Variants in ECD observed in about 807,000 individuals in gnomAD.
ECD encodes the protein ecdysoneless cell cycle regulator.
Under a neutral mutation model 77.2 loss-of-function variants are expected in ECD, and 59 were observed. That is an observed-to-expected ratio of 0.76 (90% CI 0.62 to 0.95). The LOEUF (loss-of-function observed/expected upper bound fraction) is 0.95, where lower values mean the gene tolerates loss of function less well. Among genes scored for constraint, ECD ranks in the 40% least tolerant of loss-of-function variants. ECD has a pLI of 0.00. For synonymous variants in ECD, 233 were observed against 267.4 expected (o/e 0.87, Z 1.26); for missense variants, 704 against 763.4 (o/e 0.92, Z 0.92).
chr10:73,142,046 T>C (rs1564660869), intron 9 of ECD, among the ~76,000 whole-genome samples: 1 of 152,156 alleles, frequency 6.6e-6, no homozygotes, highest in African/African-American at 2.4e-5. Context: ...CCTTGACTCT[T>C]GGGATCAAGC....
rs192119711 is a variant in ECD at position 73,156,175 on chromosome 10, C to T, written c.590+100G>A. 229 of 1,130,962 alleles carry T rather than the reference C, an allele frequency of 2.0e-4. 1 individual carries two copies. The African/African-American group carries it at 3.2e-3, about 16-fold the overall frequency. 70.1% of individuals were successfully genotyped at this position (1,130,962 alleles called of 1,614,324 possible). On this transcript the variant is annotated intron_variant, in intron 5 of 13. Coordinates refer to ENST00000372979, the MANE Select transcript of ECD (RefSeq NM_007265.3). The stretch of plus-strand genomic sequence containing the variant: ...TAGTCAAAGAAAGACTGATCAACTC[C>T]AACAGAGCTTTAAGGAAAACAAACA...
intron 11 of ECD, among the ~76,000 whole-genome samples, chr10:73,138,574 G>GTT (rs111768045): frequency 6.8e-6 from 1 of 147,510 alleles, no homozygotes; most frequent in South Asian, 2.1e-4. Context: ...TTTTTGTTTT[G>GTT]TTTTTTTTTT....
At chr10:73,156,717 A>G in intron 3 of ECD, 62 bp from the exon 4 acceptor site, 2 of 1,411,584 alleles carry the variant, frequency 1.4e-6, no homozygotes, top group Non-Finnish European at 2.0e-6. Flanking sequence ...TAACCAAAAC[A>G]GTTTCATTCT....
intron 9 of ECD, among the ~76,000 whole-genome samples, chr10:73,144,563 G>A (rs1201738917): frequency 6.6e-6 from 1 of 152,194 alleles, no homozygotes; most frequent in Non-Finnish European, 1.5e-5. Flanking sequence ...GGGGGGAAAA[G>A]AGGGGATAGT....
In ECD at chr10:73,134,688, G is replaced by A; in HGVS notation, c.1830C>T (p.Ser610=). 1.2e-6 allele frequency: 2 copies of A among 1,614,154 alleles called. No individual in the cohort carries two copies. Among genetic ancestry groups the A allele is most frequent in the Non-Finnish European group, 8.5e-7 (1 of 1,180,030 alleles). The part of the protein sequence containing the change: ...LVSNILESYS[S]QAGLAGPASN... ...AAGCAGGTCCTGCCAGTCCAGCTTG[G>A]GAGCTATAGGATTCCAATATATTTG... Residue 610 remains serine (S), a synonymous_variant, in exon 14 of 14, where the codon TCC becomes TCT. Transcript: ENST00000372979.
chr10:73,136,460 G>A (rs1230475667), intron 13 of ECD, among the ~76,000 whole-genome samples: 1 of 151,956 alleles, frequency 6.6e-6, no homozygotes, highest in African/African-American at 2.4e-5. Context: ...ATTCTAATTT[G>A]AGCATATTAT....
In ECD at chr10:73,152,422, C is replaced by G; in HGVS notation, c.784-1G>C. On this transcript the variant is annotated splice_acceptor_variant, in intron 6 of 13. Coordinates refer to ENST00000372979, the MANE Select transcript of ECD (RefSeq NM_007265.3). LOFTEE classifies it high-confidence loss of function. Reference sequence around the variant, plus strand: ...CATATAGACATTTAGTGAATGTGACCTGGGCATCAAGACACAAAATACATG... The same window carrying G: ...CATATAGACATTTAGTGAATGTGACGTGGGCATCAAGACACAAAATACATG... 1 of 1,611,132 alleles carries G rather than the reference C, an allele frequency of 6.2e-7. No homozygotes were observed.
intron 9 of ECD, among the ~76,000 whole-genome samples, chr10:73,143,881 G>C (rs1395983539): frequency 8.2e-6 from 1 of 122,552 alleles, no homozygotes; most frequent in Non-Finnish European, 1.6e-5. Flanking sequence ...TATTCATTTA[G>C]ATCAGTGGTT....
intron 6 of ECD, 120 bp from the exon 7 acceptor site, chr10:73,152,541 A>T: frequency 8.5e-7 from 1 of 1,176,726 alleles, no homozygotes; most frequent in Non-Finnish European, 1.2e-6. Flanking sequence ...TGAAATGCAA[A>T]GAAGATTCAA....
chr10:73,166,697 A>G (rs937995344), intron 1 of ECD, among the ~76,000 whole-genome samples: 3 of 152,162 alleles, frequency 2.0e-5, no homozygotes, highest in African/African-American at 7.2e-5. Context: ...AACTCCTTAT[A>G]TATTTTGGTT....
At chr10:73,166,919 T>G (rs1183641364) in intron 1 of ECD, among the ~76,000 whole-genome samples, 4 of 152,230 alleles carry the variant, frequency 2.6e-5, no homozygotes, top group Admixed American at 2.6e-4. Context: ...TCCCCAATAT[T>G]TCCTTTTAGT....
At chr10:73,136,571 G>C (rs60938534) in intron 13 of ECD, 133 bp downstream of exon 13, 12,936 of 806,592 alleles carry the variant, frequency 0.016, 801 homozygotes, top group African/African-American at 0.16. Context: ...TCCTACCAGA[G>C]TTAGGAAAAC....
intron 9 of ECD, among the ~76,000 whole-genome samples, chr10:73,140,614 G>A (rs993522116): frequency 2.0e-5 from 3 of 151,872 alleles, no homozygotes; most frequent in Non-Finnish European, 4.4e-5. Flanking sequence ...CCCGGGAGGT[G>A]GAGGTTGCAG....
At chr10:73,138,309 C>T (rs1484921820) in intron 11 of ECD, among the ~76,000 whole-genome samples, 1 of 152,168 alleles carries the variant, frequency 6.6e-6, no homozygotes, top group African/African-American at 2.4e-5. Flanking sequence ...GTACATTTAG[C>T]TTATGCTGAT....
Position 73,156,255 on chromosome 10 carries a change from G to C in ECD, c.590+20C>G, listed in dbSNP as rs763067403. 1.3e-6 allele frequency: 2 copies of C among 1,542,620 alleles called. No individual in the cohort carries two copies. The highest frequency in any genetic ancestry group is 2.5e-5 in the South Asian group (2 of 78,440). On this transcript the variant is annotated intron_variant, in intron 5 of 13. Transcript: ENST00000372979. ...ACCAAAAGGTTCCTTAATTAGCAATGAAAGTGATATTTTTCTTACCCTCTG... is the reference window on the plus strand; with the variant it reads ...ACCAAAAGGTTCCTTAATTAGCAATCAAAGTGATATTTTTCTTACCCTCTG...
intron 7 of ECD, among the ~76,000 whole-genome samples, chr10:73,150,117 C>T (rs1205699532): frequency 4.6e-5 from 7 of 152,282 alleles, no homozygotes; most frequent in African/African-American, 1.4e-4. Context: ...TACCTGACTT[C>T]AAACTATACT....
At position 73,160,495 on chromosome 10, in the gene ECD, C is replaced by A. The variant is rs1280348759; in HGVS notation, c.262G>T (p.Glu88Ter). Residue 88 changes from glutamate to a stop codon, truncating the protein, a stop_gained, in exon 3 of 14, where the codon GAA (glutamate) becomes TAA (stop). Transcript: ENST00000372979. LOFTEE classifies it high-confidence loss of function. ...VTKFGDNIED[E>*]WFIVYVIKQI... ...TTTATTACATAAACAATAAACCATT[C>A]ATCCTCAATGTTATCCCCAAACTTT... The A allele has an allele frequency of 9.9e-6, 16 of 1,612,040 alleles. No individual in the cohort carries two copies. Among genetic ancestry groups the A allele is most frequent in the East Asian group, 2.2e-5 (1 of 44,810 alleles).
rs868641806 is a variant in ECD, at chr10:73,136,608, C to T, written c.1704+96G>A. ...ATTAACATTCTTATTTATTTCAAATCTCACACACCAAAAAAAGAAAAACTA... is the reference window on the plus strand; with the variant it reads ...ATTAACATTCTTATTTATTTCAAATTTCACACACCAAAAAAAGAAAAACTA... On this transcript the variant is annotated intron_variant, in intron 13 of 13. Coordinates refer to ENST00000372979, the MANE Select transcript of ECD (RefSeq NM_007265.3). 4.8e-5 allele frequency: 54 copies of T among 1,116,308 alleles called. No homozygotes were observed. In the Middle Eastern group the frequency reaches 7.2e-4, roughly 15 times the overall value. The allele number at this position is 1,116,308 out of a possible 1,614,324, so 69.2% of individuals were successfully genotyped here.
intron 2 of ECD, among the ~76,000 whole-genome samples, chr10:73,161,922 AAG>A (rs2133274436): frequency 6.6e-6 from 1 of 152,348 alleles, no homozygotes; most frequent in Non-Finnish European, 1.5e-5. Context: ...TAACAGAATG[AAG>A]GTCAAACAAG....
Sources: gnomAD v4.1 joint callset for allele counts (sites outside exome capture counted in the v4.1 genomes callset) on GRCh38, gnomAD v4.1.1 for gene constraint, MANE v1.5 for transcripts, NCBI Gene and HGNC (gene_info 2026-07-23, HGNC 2026-07-21) for gene names.